NXPE2: variants seen among roughly 807,000 people sequenced by gnomAD.
The protein encoded by NXPE2 is neurexophilin and PC-esterase domain family member 2.
In NXPE2, 34 loss-of-function variants were observed where a neutral mutation model predicts 34.4. The ratio of observed to expected loss-of-function variants is 0.99; its 90% CI spans 0.75 to 1.31. The LOEUF (loss-of-function observed/expected upper bound fraction) is 1.31, where lower values mean the gene tolerates loss of function less well. Ranked by LOEUF, NXPE2 falls within the 40% of genes most tolerant of loss-of-function variation. The pLI, the probability that NXPE2 is intolerant of heterozygous loss-of-function variation, is 0.00. For synonymous variants in NXPE2, 235 were observed against 231.3 expected (o/e 1.02, Z -0.15); for missense variants, 649 against 672.5 (o/e 0.97, Z 0.39).
the NXPE2 span, among the ~76,000 whole-genome samples, chr11:114,539,352 G>A: frequency 6.6e-6 from 1 of 152,036 alleles, no homozygotes; most frequent in Non-Finnish European, 1.5e-5. Context: ...GTTAATGGGT[G>A]CAGCACACCA....
chr11:114,794,241 A>G, the NXPE2 span, among the ~76,000 whole-genome samples: 2 of 149,024 alleles, frequency 1.3e-5, no homozygotes, highest in Non-Finnish European at 3.0e-5. Context: ...GTTACCAAAA[A>G]CTTTTCAGTT....
the NXPE2 span, among the ~76,000 whole-genome samples, chr11:114,629,153 C>T: frequency 4.2e-4 from 64 of 152,062 alleles, 1 homozygote; most frequent in Admixed American, 7.9e-4. Context: ...AAAGAGGGAA[C>T]CCTCCCTAAC....
At chr11:114,609,956 T>A in the NXPE2 span, among the ~76,000 whole-genome samples, 1 of 151,834 alleles carries the variant, frequency 6.6e-6, no homozygotes, top group East Asian at 1.9e-4. Context: ...GTAACCACTG[T>A]TACACGGTGG....
the NXPE2 span, among the ~76,000 whole-genome samples, chr11:114,736,170 A>G: frequency 6.6e-6 from 1 of 152,200 alleles, no homozygotes; most frequent in Non-Finnish European, 1.5e-5. Context: ...TTGCTAATGA[A>G]GTTTTTGACA....
the NXPE2 span, among the ~76,000 whole-genome samples, chr11:114,579,134 G>C: frequency 2.0e-5 from 3 of 152,162 alleles, no homozygotes; most frequent in Non-Finnish European, 4.4e-5. Flanking sequence ...GAAGCTTTTA[G>C]TCATGGCGGA....
At chr11:114,633,273 ATTATG>A in the NXPE2 span, among the ~76,000 whole-genome samples, 1,147 of 136,588 alleles carry the variant, frequency 8.4e-3, 13 homozygotes, top group African/African-American at 0.029. Context: ...GTTATATAGT[ATTATG>A]TTATATTATA....
chr11:114,469,734 G>T, the NXPE2 span, among the ~76,000 whole-genome samples: 61 of 151,858 alleles, frequency 4.0e-4, 1 homozygote, highest in East Asian at 3.9e-4. Flanking sequence ...CTCGTGATTC[G>T]CCCACCTCAA....
At chr11:114,803,175 C>T in the NXPE2 span, among the ~76,000 whole-genome samples, 7 of 152,270 alleles carry the variant, frequency 4.6e-5, no homozygotes, top group East Asian at 1.4e-3. Flanking sequence ...TTTTTGATTC[C>T]AGCCTGGGCC....
chr11:114,610,428 C>G, the NXPE2 span, among the ~76,000 whole-genome samples: 5 of 150,202 alleles, frequency 3.3e-5, no homozygotes, highest in South Asian at 1.1e-3. Flanking sequence ...TATTGCCTCT[C>G]GGGTAACCAC....
chr11:114,700,397 G>A (rs1277811308), intron 3 of NXPE2, among the ~76,000 whole-genome samples: 1 of 152,166 alleles, frequency 6.6e-6, no homozygotes, highest in Non-Finnish European at 1.5e-5. Flanking sequence ...AGTTAAGTGA[G>A]GGAGTAAGTC....
chr11:114,741,811 C>A, the NXPE2 span, among the ~76,000 whole-genome samples: 8 of 152,260 alleles, frequency 5.3e-5, no homozygotes, highest in East Asian at 1.5e-3. Flanking sequence ...ATCATAATTT[C>A]TTTGGGGTCA....
At chr11:114,619,306 T>G in the NXPE2 span, among the ~76,000 whole-genome samples, 7 of 152,166 alleles carry the variant, frequency 4.6e-5, no homozygotes, top group African/African-American at 1.4e-4. Flanking sequence ...GGGTAACCAC[T>G]GTTCCCCGCT....
At chr11:114,519,146 T>C in the NXPE2 span, among the ~76,000 whole-genome samples, 1 of 152,356 alleles carries the variant, frequency 6.6e-6, no homozygotes, top group South Asian at 2.1e-4. Flanking sequence ...GCCTTTTATA[T>C]GACAAATGTT....
the NXPE2 span, among the ~76,000 whole-genome samples, chr11:114,603,064 G>T: frequency 6.6e-6 from 1 of 151,196 alleles, no homozygotes; most frequent in Non-Finnish European, 1.5e-5. Flanking sequence ...TGTCTCATAG[G>T]TAACTATTAT....
chr11:114,812,044 A>G, the NXPE2 span, among the ~76,000 whole-genome samples: 1 of 152,252 alleles, frequency 6.6e-6, no homozygotes, highest in Admixed American at 6.5e-5. Flanking sequence ...GTTTAATCAG[A>G]AAAAGGACAC....
At chr11:114,614,651 G>T in the NXPE2 span, among the ~76,000 whole-genome samples, 3 of 150,250 alleles carry the variant, frequency 2.0e-5, no homozygotes, top group East Asian at 2.0e-4. Flanking sequence ...TGCCTTGTGG[G>T]TATCCACTGT....
At chr11:114,683,530 C>T (rs1210732828) in intron 2 of NXPE2, among the ~76,000 whole-genome samples, 1 of 151,312 alleles carries the variant, frequency 6.6e-6, no homozygotes, top group African/African-American at 2.4e-5. Context: ...AAGTGATTCT[C>T]CTGCCTCAGC....
chr11:114,745,265 G>A, the NXPE2 span, among the ~76,000 whole-genome samples: 15 of 152,268 alleles, frequency 9.9e-5, 1 homozygote, highest in South Asian at 2.1e-3. Flanking sequence ...TGGCACCAGC[G>A]TCTATTTTGG....
chr11:114,638,273 G>A, the NXPE2 span, among the ~76,000 whole-genome samples: 1 of 151,940 alleles, frequency 6.6e-6, no homozygotes, highest in African/African-American at 2.4e-5. Flanking sequence ...TGAGGCTTCT[G>A]CATTCTTCAT....
Sources: allele counts gnomAD v4.1 joint callset (sites outside exome capture counted in the v4.1 genomes callset), GRCh38; gene constraint gnomAD v4.1.1; transcripts MANE v1.5; gene names NCBI Gene and HGNC (gene_info 2026-07-23, HGNC 2026-07-21).